NR6A1: variants seen among roughly 807,000 people sequenced by gnomAD.
NR6A1 encodes the protein nuclear receptor subfamily 6 group A member 1.
In NR6A1, 7 loss-of-function variants were observed where a neutral mutation model predicts 59.1. The ratio of observed to expected loss-of-function variants is 0.12; its 90% CI spans 0.07 to 0.22. The LOEUF (loss-of-function observed/expected upper bound fraction) is 0.22, where lower values mean the gene tolerates loss of function less well. NR6A1 is among the 10% of genes least tolerant of loss of function. The probability of loss-of-function intolerance (pLI) is 1.00; values close to 1 mark genes in which losing one functional copy is unlikely to be tolerated. For missense variants in NR6A1, 468 were observed against 611.6 expected, an observed-to-expected ratio of 0.77 and a Z score of 2.48; for synonymous variants, 243 against 236.1, an observed-to-expected ratio of 1.03 and a Z score of -0.27.
chr9:124,655,583 C>A (rs1414529013), intron 2 of NR6A1, among the ~76,000 whole-genome samples: 1 of 152,152 alleles, frequency 6.6e-6, no homozygotes, highest in Non-Finnish European at 1.5e-5. Flanking sequence ...CGTCCCAGCC[C>A]AGGAAGGGCT....
intron 3 of NR6A1, among the ~76,000 whole-genome samples, chr9:124,553,121 A>T (rs1198493758): frequency 6.6e-6 from 1 of 152,208 alleles, no homozygotes; most frequent in Non-Finnish European, 1.5e-5. Flanking sequence ...ATAATTGAAT[A>T]TTGGAGATAT....
chr9:124,605,316 A>G (rs557560499), intron 2 of NR6A1, among the ~76,000 whole-genome samples: 1 of 152,336 alleles, frequency 6.6e-6, no homozygotes, highest in East Asian at 1.9e-4. Context: ...CAGATTAGGA[A>G]AACTAACCTG....
In NR6A1 at chr9:124,567,593, T is replaced by C. The variant is rs541207267; in HGVS notation, c.143-13023A>G. ...CAGCCTGGGCAAGACAATGAGACCC[T>C]GTTCTCCACAAAAAGGAAAAACAAA... On this transcript the variant is annotated intron_variant, in intron 2 of 9. Transcript: ENST00000487099. Among the ~76,000 whole-genome samples, 174 of 152,056 alleles carry C rather than the reference T, an allele frequency of 1.1e-3. 1 individual carries two copies. The highest frequency in any genetic ancestry group is 3.8e-3 in the African/African-American group (158 of 41,464).
intron 2 of NR6A1, among the ~76,000 whole-genome samples, chr9:124,700,998 T>C (rs942600621): frequency 6.6e-6 from 1 of 152,126 alleles, no homozygotes; most frequent in Non-Finnish European, 1.5e-5. Flanking sequence ...TGACCTCAGG[T>C]GACCCACCCG....
chr9:124,600,222 G>T (rs918055543), intron 2 of NR6A1, among the ~76,000 whole-genome samples: 1 of 152,192 alleles, frequency 6.6e-6, no homozygotes, highest in Non-Finnish European at 1.5e-5. Context: ...AAGATCTCTG[G>T]TTCTCATCTG....
At chr9:124,686,995 G>A (rs1337564509) in intron 2 of NR6A1, among the ~76,000 whole-genome samples, 1 of 152,008 alleles carries the variant, frequency 6.6e-6, no homozygotes, top group East Asian at 1.9e-4. Flanking sequence ...ATGAGCCACT[G>A]TGCCAGGCCA....
chr9:124,677,557 C>T (rs550350029), intron 2 of NR6A1, among the ~76,000 whole-genome samples: 5 of 152,042 alleles, frequency 3.3e-5, no homozygotes, highest in African/African-American at 1.2e-4. Context: ...GCCACTATGC[C>T]CAGCCTTATT....
chr9:124,522,987 G>T (rs1286679809), intron 9 of NR6A1, among the ~76,000 whole-genome samples, 194 bp from the exon 10 acceptor site: 2 of 152,136 alleles, frequency 1.3e-5, no homozygotes, highest in African/African-American at 4.8e-5. Flanking sequence ...TGCCCAGGGA[G>T]CCTAGTAATG....
intron 2 of NR6A1, among the ~76,000 whole-genome samples, chr9:124,727,102 C>T (rs1473250711): frequency 7.4e-6 from 1 of 135,582 alleles, no homozygotes; most frequent in Non-Finnish European, 1.6e-5. Flanking sequence ...GATTAATAGA[C>T]CTGTATTTTT....
intron 2 of NR6A1, among the ~76,000 whole-genome samples, chr9:124,559,229 T>C (rs1834012282): frequency 2.0e-5 from 3 of 152,176 alleles, no homozygotes; most frequent in Admixed American, 1.3e-4. Context: ...ACCTGAGGCA[T>C]GAATTCCCTC....
intron 2 of NR6A1, chr9:124,693,846 G>T (rs1246202687): frequency 1.9e-6 from 1 of 517,526 alleles, no homozygotes; most frequent in African/African-American, 1.9e-5. Context: ...GAGTGCAGCA[G>T]CTACTGCTGT....
chr9:124,623,440 C>T (rs1374194216), intron 2 of NR6A1, among the ~76,000 whole-genome samples: 1 of 152,006 alleles, frequency 6.6e-6, no homozygotes, highest in Non-Finnish European at 1.5e-5. Context: ...CAGTTCACTG[C>T]AGCCTTGACC....
chr9:124,734,463 C>T (rs556088890), intron 1 of NR6A1, among the ~76,000 whole-genome samples: 1 of 152,290 alleles, frequency 6.6e-6, no homozygotes, highest in African/African-American at 2.4e-5. Flanking sequence ...GAGGCCAAAA[C>T]GAGCTGATCA....
rs760468228 is a variant in NR6A1 at position 124,554,558 on chromosome 9, T to C, written c.155A>G (p.Asp52Gly). 3 of 1,614,164 alleles carry C rather than the reference T, an allele frequency of 1.9e-6. No homozygotes were observed. The highest frequency in any genetic ancestry group is 1.6e-4 in the Middle Eastern group (1 of 6,062). Residue 52 changes from aspartate to glycine, a missense_variant, in exon 3 of 10, where the codon GAT becomes GGT. Coordinates refer to ENST00000487099, the MANE Select transcript of NR6A1 (RefSeq NM_033334.4). ...ELDPGTISVS[D>G]DRAEQRTCLI... ...ACAGGTTCGTTGTTCAGCCCGATCA[T>C]CTGAAACAGAAACTGATCATGTTCA...
intron 1 of NR6A1, 150 bp from the exon 2 acceptor site, chr9:124,733,499 T>A: frequency 3.1e-6 from 2 of 644,424 alleles, no homozygotes; most frequent in East Asian, 5.4e-5. Context: ...CTACTACATA[T>A]CCCTCTGAGC....
At chr9:124,740,974 G>T (rs1026847295) in intron 1 of NR6A1, among the ~76,000 whole-genome samples, 1 of 152,144 alleles carries the variant, frequency 6.6e-6, no homozygotes, top group African/African-American at 2.4e-5. Flanking sequence ...CCACTACAAT[G>T]AATTTCTTGC....
chr9:124,755,248 G>A (rs1210680627), intron 1 of NR6A1, among the ~76,000 whole-genome samples: 4 of 152,072 alleles, frequency 2.6e-5, no homozygotes, highest in South Asian at 2.1e-4. Flanking sequence ...TTGCTCACAC[G>A]ATTTCAGATC....
At chr9:124,727,069 GA>G (rs1839743412) in intron 2 of NR6A1, among the ~76,000 whole-genome samples, 1 of 152,196 alleles carries the variant, frequency 6.6e-6, no homozygotes, top group South Asian at 2.1e-4. Context: ...ACTAAATGCT[GA>G]ATCATTTTTA....
chr9:124,731,581 C>CT (rs1472256165), intron 2 of NR6A1, among the ~76,000 whole-genome samples: 2 of 152,132 alleles, frequency 1.3e-5, no homozygotes, highest in Non-Finnish European at 2.9e-5. Context: ...CTTTCACCTC[C>CT]TCTACCTCTT....
Sources: allele counts gnomAD v4.1 joint callset (sites outside exome capture counted in the v4.1 genomes callset), GRCh38; gene constraint gnomAD v4.1.1; transcripts MANE v1.5; gene names NCBI Gene and HGNC (gene_info 2026-07-23, HGNC 2026-07-21).